LLGL2: variants seen among roughly 807,000 people sequenced by gnomAD.
LLGL2 encodes LLGL2, scribble cell polarity complex component.
In LLGL2, 81 loss-of-function variants were observed where a neutral mutation model predicts 123.2. The ratio of observed to expected loss-of-function variants is 0.66; its 90% CI spans 0.55 to 0.79. The LOEUF is 0.79. Among genes scored for constraint, LLGL2 ranks in the 30% least tolerant of loss-of-function variants. LLGL2 has a pLI of 0.00. For synonymous variants in LLGL2, 577 were observed against 594.1 expected (o/e 0.97, Z 0.42); for missense variants, 1,273 against 1,414.6 (o/e 0.90, Z 1.61).
At chr17:75,572,332 T>G (rs2055753176) in intron 19 of LLGL2, among the ~76,000 whole-genome samples, 3 of 148,496 alleles carry the variant, frequency 2.0e-5, no homozygotes, top group Admixed American at 1.3e-4. Flanking sequence ...GCCTGGCCAA[T>G]ATGGTGAAAC....
At position 75,570,515 on chromosome 17, in the gene LLGL2, G is replaced by C. The variant is rs766094794; in HGVS notation, c.2025+17G>C. The C allele has an allele frequency of 9.0e-6, 14 of 1,555,866 alleles. No homozygotes were observed. Among genetic ancestry groups the C allele is most frequent in the Middle Eastern group, 2.1e-4 (1 of 4,728 alleles). On this transcript the variant is annotated intron_variant, in intron 16 of 25. Transcript: ENST00000392550. ...CCAGGAGAGGTGAGGCCTGAGGTGA[G>C]GCTGCGGCCGGCCACGCACCCAGGT...
Position 75,573,516 on chromosome 17 carries a change from T to C in LLGL2, c.2761T>C (p.Phe921Leu), listed in dbSNP as rs766632252. 1 of 1,612,668 alleles carries C rather than the reference T, an allele frequency of 6.2e-7. No homozygotes were observed. The highest frequency in any genetic ancestry group is 1.1e-5 in the South Asian group (1 of 91,074). Reference sequence around the variant, plus strand: ...GATCTCACCCTCGGAGTTTGAGCGCTTCTCTCTCTCCACCAAGTGGCTGGT... The same window carrying C: ...GATCTCACCCTCGGAGTTTGAGCGCCTCTCTCTCTCCACCAAGTGGCTGGT... ...YLISPSEFER[F>L]SLSTKWLVEP... Residue 921 changes from phenylalanine to leucine, a missense_variant, in exon 21 of 26, where the codon TTC becomes CTC. Phe to Leu is a conservative substitution (Grantham distance 22, BLOSUM62 0). Coordinates refer to ENST00000392550, the MANE Select transcript of LLGL2 (RefSeq NM_001031803.2).
chr17:75,564,256 G>A lies in LLGL2; in HGVS notation c.882-97G>A. ...ATGGGGTCCAGTCTCCCCTGCTCCT[G>A]GGGACCTTGACTGAGTGGTGACTTT... On this transcript the variant is annotated intron_variant, in intron 9 of 25. Coordinates refer to ENST00000392550, the MANE Select transcript of LLGL2 (RefSeq NM_001031803.2). This position sits in a 1 kb window ranked among gnomAD's most constrained non-coding sequence, Gnocchi z 4.9. 1 of 1,526,928 alleles carries A rather than the reference G, an allele frequency of 6.5e-7. No individual in the cohort carries two copies. Among genetic ancestry groups the A allele is most frequent in the Non-Finnish European group, 8.8e-7 (1 of 1,141,902 alleles). The allele number at this position is 1,526,928 out of a possible 1,614,324, so 94.6% of individuals were successfully genotyped here.
chr17:75,534,581 A>C (rs182708382), intron 1 of LLGL2, among the ~76,000 whole-genome samples: 60 of 152,290 alleles, frequency 3.9e-4, no homozygotes, highest in Non-Finnish European at 7.6e-4. Context: ...CCTGGGCTCA[A>C]GTGATCTTCC....
intron 14 of LLGL2, 123 bp from the exon 15 acceptor site, chr17:75,569,840 A>G: frequency 2.0e-6 from 2 of 999,292 alleles, no homozygotes; most frequent in Non-Finnish European, 2.9e-6. Context: ...CTGGGGTTGG[A>G]CAGAGGCCTT....
At chr17:75,554,349 C>G (rs139597424) in intron 2 of LLGL2, among the ~76,000 whole-genome samples, 1 of 150,978 alleles carries the variant, frequency 6.6e-6, no homozygotes, top group East Asian at 1.9e-4. Context: ...CAGTGACTCA[C>G]GCCTGTAATC....
rs1011603974 is a variant in LLGL2 at position 75,558,792 on chromosome 17, C to T, written c.371+165C>T. ...ACTCAGGTGCTCCGAGTGGAGTGGGCGGGGCTGCAGCCTGCCTCCTCCATC... is the reference window on the plus strand; with the variant it reads ...ACTCAGGTGCTCCGAGTGGAGTGGGTGGGGCTGCAGCCTGCCTCCTCCATC... On this transcript the variant is annotated intron_variant, in intron 5 of 25. Coordinates refer to ENST00000392550, the MANE Select transcript of LLGL2 (RefSeq NM_001031803.2). This position sits in a 1 kb window ranked among gnomAD's most constrained non-coding sequence, Gnocchi z 4.0. Among the ~76,000 whole-genome samples the T allele has an allele frequency of 7.3e-5, 11 of 151,468 alleles. No individual in the cohort carries two copies. Among genetic ancestry groups the T allele is most frequent in the African/African-American group, 2.7e-4 (11 of 41,130 alleles).
intron 2 of LLGL2, among the ~76,000 whole-genome samples, chr17:75,553,581 G>C (rs1022409421): frequency 1.3e-5 from 2 of 152,208 alleles, no homozygotes; most frequent in African/African-American, 2.4e-5. Flanking sequence ...CTGCCTCATT[G>C]TTGGGACCTT....
In LLGL2 at chr17:75,549,264, C is replaced by G. The variant is rs956239626; in HGVS notation, c.75+5763C>G. Among the ~76,000 whole-genome samples the G allele has an allele frequency of 6.6e-6, 1 of 152,138 alleles. No individual in the cohort carries two copies. The highest frequency in any genetic ancestry group is 1.5e-5 in the Non-Finnish European group (1 of 68,024). On this transcript the variant is annotated intron_variant, in intron 2 of 25. Coordinates refer to ENST00000392550, the MANE Select transcript of LLGL2 (RefSeq NM_001031803.2). This position sits in a 1 kb window ranked among gnomAD's most constrained non-coding sequence, Gnocchi z 4.0. ...ACCAAGGGAAGGAACCATGGGACCTCGGGAGGGAGGAAGTGCTGCTGGAGA... is the reference window on the plus strand; with the variant it reads ...ACCAAGGGAAGGAACCATGGGACCTGGGGAGGGAGGAAGTGCTGCTGGAGA...
Position 75,566,550 on chromosome 17 carries a change from T to C in LLGL2, c.1037-1926T>C, listed in dbSNP as rs562128101. 5.3e-5 allele frequency among the ~76,000 whole-genome samples: 8 copies of C among 152,330 alleles called. No individual in the cohort carries two copies. The South Asian group carries it at 1.4e-3, about 28-fold the overall frequency. ...TCTTCCCCACAGCTACTCAGCCTAA[T>C]GCCATTGCAGAGCACATGTAGCCAT... On this transcript the variant is annotated intron_variant, in intron 10 of 25. Transcript: ENST00000392550.
intron 1 of LLGL2, among the ~76,000 whole-genome samples, chr17:75,533,113 C>T (rs1467474541): frequency 6.6e-6 from 1 of 151,392 alleles, no homozygotes; most frequent in Non-Finnish European, 1.5e-5. Context: ...CATTCTCCTG[C>T]CTCAGCCTCC....
intron 1 of LLGL2, chr17:75,542,665 AAG>A (rs2054260036): frequency 6.6e-6 from 1 of 152,266 alleles, no homozygotes; most frequent in Non-Finnish European, 1.5e-5. Flanking sequence ...GCCCGTGGGA[AAG>A]AGAACCTTTC....
intron 1 of LLGL2, among the ~76,000 whole-genome samples, chr17:75,533,166 ATTGT>A (rs1301808861): frequency 1.3e-5 from 2 of 150,092 alleles, no homozygotes; most frequent in Admixed American, 6.7e-5. Flanking sequence ...CGCCCGGCTA[ATTGT>A]TTGTATTTTT....
rs769169058 is a variant in LLGL2, at chr17:75,574,241, C to T, written c.2934C>T (p.Arg978=). The part of the protein sequence containing the change: ...EEKQPGLVME[R]ALLSDERVLK... ...AGCAGCCCGGCCTGGTGATGGAGCG[C>T]GCTCTGCTCAGTGATGAGAGTGAGT... Residue 978 remains arginine (R), a synonymous_variant, in exon 23 of 26, where the codon CGC becomes CGT. Transcript: ENST00000392550. 6.8e-6 allele frequency: 10 copies of T among 1,468,664 alleles called. No individual in the cohort carries two copies. Among genetic ancestry groups the T allele is most frequent in the South Asian group, 3.7e-5 (3 of 81,934 alleles). The allele number at this position is 1,468,664 out of a possible 1,614,324, so 91.0% of individuals were successfully genotyped here.
chr17:75,572,716 T>C (rs1398461339), intron 19 of LLGL2, among the ~76,000 whole-genome samples: 1 of 143,592 alleles, frequency 7.0e-6, no homozygotes, highest in Non-Finnish European at 1.5e-5. Flanking sequence ...ATCCCAGCTC[T>C]ACTCGGGAGG....
rs1379316982 is a variant in LLGL2, at chr17:75,564,840, G to GT, written c.1036+334dup. On this transcript the variant is annotated intron_variant, in intron 10 of 25. Transcript: ENST00000392550. The surrounding 1 kb of genome is among the most constrained non-coding windows in gnomAD (Gnocchi z 4.9). ...GATCATGCTACTGTACTCAGCCTGG[G>GT]TGACATAGCCAGACTGTGTCTCAAA... 4.5e-6 allele frequency: 1 copy of GT among 222,580 alleles called. No individual in the cohort carries two copies. Among genetic ancestry groups the GT allele is most frequent in the Non-Finnish European group, 8.6e-6 (1 of 115,902 alleles). The allele number at this position is 222,580 out of a possible 1,614,324, so 13.8% of individuals were successfully genotyped here.
intron 19 of LLGL2, 25 bp from the exon 20 acceptor site, chr17:75,572,989 A>C (rs2055794933): frequency 6.3e-7 from 1 of 1,583,370 alleles, no homozygotes; most frequent in African/African-American, 1.3e-5. Context: ...GGCCATGGGC[A>C]TGAACAACCA....
At chr17:75,573,818 A>C in intron 21 of LLGL2, 134 bp from the exon 22 acceptor site, 1 of 1,245,100 alleles carries the variant, frequency 8.0e-7, no homozygotes, top group Non-Finnish European at 1.1e-6. Flanking sequence ...AGTCCAGGGC[A>C]GGACTCAGTT....
intron 3 of LLGL2, chr17:75,557,661 A>G: frequency 3.5e-6 from 1 of 287,884 alleles, no homozygotes. Context: ...GCTGGTGTAC[A>G]CAGGGGGCCA....
Sources: gnomAD v4.1 joint callset for allele counts (sites outside exome capture counted in the v4.1 genomes callset) on GRCh38, gnomAD v4.1.1 for gene constraint, Gnocchi (gnomAD v3.1) non-coding constraint, MANE v1.5 for transcripts, NCBI Gene and HGNC (gene_info 2026-07-23, HGNC 2026-07-21) for gene names.